The following UBE2R2 variants were observed in gnomAD, a reference collection of about 807,000 sequenced individuals.
UBE2R2 encodes the protein ubiquitin conjugating enzyme E2 R2.
UBE2R2 carries 1 observed loss-of-function variant against 27.8 expected under a neutral mutation model. That is an observed-to-expected ratio of 0.04 (90% CI 0.01 to 0.17). The LOEUF is 0.17. Among genes scored for constraint, UBE2R2 ranks in the 10% least tolerant of loss-of-function variants. The pLI is 1.00. For synonymous variants in UBE2R2, 106 were observed against 113.3 expected, an observed-to-expected ratio of 0.94 and a Z score of 0.41; for missense variants, 100 against 291.0, an observed-to-expected ratio of 0.34 and a Z score of 4.78.
At chr9:33,900,697 A>T (rs926624356) in intron 3 of UBE2R2, among the ~76,000 whole-genome samples, 2 of 152,072 alleles carry the variant, frequency 1.3e-5, no homozygotes, top group Non-Finnish European at 2.9e-5. Flanking sequence ...TTTCATACAT[A>T]TAAATATATA....
At chr9:33,827,513 C>T (rs565405002) in intron 1 of UBE2R2, among the ~76,000 whole-genome samples, 6 of 151,818 alleles carry the variant, frequency 4.0e-5, no homozygotes, top group Admixed American at 6.6e-5. Flanking sequence ...TGGTGGCGCA[C>T]GCCTGAAATC....
At chr9:33,845,502 C>A (rs1820825413) in intron 1 of UBE2R2, among the ~76,000 whole-genome samples, 1 of 151,918 alleles carries the variant, frequency 6.6e-6, no homozygotes, top group Admixed American at 6.6e-5. Flanking sequence ...CCCACCTCGG[C>A]CTCCCAAAGT....
At chr9:33,901,912 CTTTTTTT>C (rs529372244) in intron 3 of UBE2R2, among the ~76,000 whole-genome samples, 1 of 132,274 alleles carries the variant, frequency 7.6e-6, no homozygotes, top group Non-Finnish European at 1.6e-5. Context: ...TCTCATATTT[CTTTTTTT>C]TTTTTTTTTT....
At chr9:33,858,130 A>G (rs1821149340) in intron 1 of UBE2R2, among the ~76,000 whole-genome samples, 1 of 152,146 alleles carries the variant, frequency 6.6e-6, no homozygotes, top group South Asian at 2.1e-4. Flanking sequence ...ACATATCTCT[A>G]TATAGTACAT....
chr9:33,859,499 A>G (rs1246683686), intron 1 of UBE2R2, among the ~76,000 whole-genome samples: 2 of 152,186 alleles, frequency 1.3e-5, no homozygotes, highest in African/African-American at 4.8e-5. Flanking sequence ...TATGTAGAGT[A>G]TTAAAATCTT....
chr9:33,892,151 C>T (rs574119436), intron 2 of UBE2R2, among the ~76,000 whole-genome samples: 2 of 152,124 alleles, frequency 1.3e-5, no homozygotes, highest in Admixed American at 1.3e-4. Context: ...GCGAATTTGT[C>T]ATCAGTGATG....
At chr9:33,842,571 G>A (rs564874464) in intron 1 of UBE2R2, among the ~76,000 whole-genome samples, 3 of 152,118 alleles carry the variant, frequency 2.0e-5, no homozygotes, top group South Asian at 4.1e-4. Context: ...TGTTGATCTC[G>A]AATGAGATTT....
intron 1 of UBE2R2, among the ~76,000 whole-genome samples, chr9:33,822,666 C>T (rs995312625): frequency 6.6e-6 from 1 of 151,890 alleles, no homozygotes; most frequent in Non-Finnish European, 1.5e-5. Flanking sequence ...TTCAAACAAT[C>T]CTCCCACCTT....
chr9:33,900,148 C>G (rs760460961), intron 2 of UBE2R2, 26 bp from the exon 3 acceptor site: 6 of 1,575,428 alleles, frequency 3.8e-6, no homozygotes, highest in Non-Finnish European at 5.2e-6. Context: ...TGAGTATTTA[C>G]TGAATGTAAT....
chr9:33,913,034 C>T (rs1273555683), intron 4 of UBE2R2, among the ~76,000 whole-genome samples: 1 of 149,782 alleles, frequency 6.7e-6, no homozygotes, highest in Non-Finnish European at 1.5e-5. Context: ...GATCTCGGCT[C>T]ACTGCAGCCT....
intron 3 of UBE2R2, among the ~76,000 whole-genome samples, chr9:33,901,168 T>TG (rs915891293): frequency 1.3e-5 from 2 of 152,182 alleles, no homozygotes; most frequent in African/African-American, 4.8e-5. Flanking sequence ...ATGACAATTT[T>TG]GGGGGGTACT....
At position 33,919,794 on chromosome 9, in the gene UBE2R2, T is replaced by TATTA. The variant is rs1822761675; in HGVS notation, c.*2558_*2561dup. ...GGAACCATGTACGTACAGTTTTGCT[T>TATTA]ATTATTTGATGTGACATGAACTCAA... On this transcript the variant is annotated 3_prime_UTR_variant, in exon 5 of 5. Coordinates refer to ENST00000263228, the MANE Select transcript of UBE2R2 (RefSeq NM_017811.4). 2.6e-5 allele frequency: 4 copies of TATTA among 152,274 alleles called. No homozygotes were observed. The highest frequency in any genetic ancestry group is 6.8e-3 in the Middle Eastern group (2 of 294). The allele number at this position is 152,274 out of a possible 1,614,324, so 9.4% of individuals were successfully genotyped here.
chr9:33,826,058 G>A (rs928910171), intron 1 of UBE2R2, among the ~76,000 whole-genome samples: 3 of 150,646 alleles, frequency 2.0e-5, no homozygotes, highest in African/African-American at 7.3e-5. Flanking sequence ...CAGGAGAATC[G>A]CTTGAACCCA....
intron 1 of UBE2R2, among the ~76,000 whole-genome samples, chr9:33,818,984 AAT>A (rs1825908343): frequency 6.6e-6 from 1 of 152,140 alleles, no homozygotes; most frequent in Non-Finnish European, 1.5e-5. Flanking sequence ...ACTTGGAGAT[AAT>A]GAGTGTTTGT....
chr9:33,839,435 G>A (rs13296568), intron 1 of UBE2R2, among the ~76,000 whole-genome samples: 2 of 151,922 alleles, frequency 1.3e-5, no homozygotes, highest in African/African-American at 2.4e-5. Context: ...ACGGAGTTTC[G>A]CCATGATGGC....
intron 1 of UBE2R2, among the ~76,000 whole-genome samples, chr9:33,852,818 G>A (rs958789621): frequency 1.3e-5 from 2 of 152,144 alleles, no homozygotes; most frequent in African/African-American, 4.8e-5. Flanking sequence ...GACCAGTCTG[G>A]CCAATATGGT....
At chr9:33,846,143 A>AAAATTAGC (rs1394465218) in intron 1 of UBE2R2, among the ~76,000 whole-genome samples, 1 of 151,210 alleles carries the variant, frequency 6.6e-6, no homozygotes, top group Non-Finnish European at 1.5e-5. Context: ...AAAAAATACA[A>AAAATTAGC]AAATTAGCCA....
At chr9:33,843,195 T>G (rs1275784120) in intron 1 of UBE2R2, among the ~76,000 whole-genome samples, 1 of 151,708 alleles carries the variant, frequency 6.6e-6, no homozygotes, top group Non-Finnish European at 1.5e-5. Flanking sequence ...ATTACAGACA[T>G]GCGCCATCCC....
chr9:33,909,336 A>C (rs1480519801), intron 3 of UBE2R2, among the ~76,000 whole-genome samples: 4 of 151,834 alleles, frequency 2.6e-5, no homozygotes, highest in Non-Finnish European at 5.9e-5. Context: ...GATACAAAAA[A>C]ATTTGGCCAA....
Sources: gnomAD v4.1 joint callset for allele counts (sites outside exome capture counted in the v4.1 genomes callset) on GRCh38, gnomAD v4.1.1 for gene constraint, MANE v1.5 for transcripts, NCBI Gene and HGNC (gene_info 2026-07-23, HGNC 2026-07-21) for gene names.